Variants in LHFPL6 observed in about 807,000 individuals in gnomAD.
The protein encoded by LHFPL6 is LHFPL tetraspan subfamily member 6.
Under a neutral mutation model 20.6 loss-of-function variants are expected in LHFPL6, and 9 were observed. The observed-to-expected ratio is 0.44, with a 90% CI of 0.26 to 0.76. The LOEUF (loss-of-function observed/expected upper bound fraction) is 0.76, where lower values mean the gene tolerates loss of function less well. Ranked by LOEUF, LHFPL6 falls within the 30% of genes least tolerant of loss-of-function variation. The pLI is 0.20. For synonymous variants in LHFPL6, 105 were observed against 98.7 expected (o/e 1.06, Z -0.38); for missense variants, 218 against 253.5 (o/e 0.86, Z 0.95).
intron 2 of LHFPL6, among the ~76,000 whole-genome samples, chr13:39,420,233 C>T (rs1386115739): frequency 6.6e-6 from 1 of 152,180 alleles, no homozygotes; most frequent in Non-Finnish European, 1.5e-5. Flanking sequence ...GTCTGGGTTA[C>T]TATATAATCC....
intron 2 of LHFPL6, among the ~76,000 whole-genome samples, chr13:39,520,896 C>G (rs1182039755): frequency 6.6e-6 from 1 of 152,034 alleles, no homozygotes; most frequent in Non-Finnish European, 1.5e-5. Flanking sequence ...TTCCAGTGCC[C>G]AAGGTGATTT....
chr13:39,515,685 T>C (rs1004798516), intron 2 of LHFPL6, among the ~76,000 whole-genome samples: 1 of 152,222 alleles, frequency 6.6e-6, no homozygotes, highest in Non-Finnish European at 1.5e-5. Context: ...GGTGATTAAC[T>C]GGCTCGCTGA....
rs1566091524 is a variant in LHFPL6 at position 39,352,849 on chromosome 13, AAATG to A, written c.485-8799_485-8796del. Among the ~76,000 whole-genome samples, 216 of 95,266 alleles carry A rather than the reference AAATG, an allele frequency of 2.3e-3. 4 individuals carry two copies. The highest frequency in any genetic ancestry group is 7.1e-3 in the African/African-American group (167 of 23,646). The allele number at this position is 95,266 out of a possible 152,430, so 62.5% of individuals were successfully genotyped here. A position where few individuals can be genotyped will look rare whatever the true frequency, so the allele number is the denominator to read the frequency against. On this transcript the variant is annotated intron_variant, in intron 3 of 3. Coordinates refer to ENST00000379589, the MANE Select transcript of LHFPL6 (RefSeq NM_005780.3). ...TATATATATATGTGTATATATATATAAATGTATATATATGTGTATATATATATAT... is the reference window on the plus strand; with the variant it reads ...TATATATATATGTGTATATATATATATATATATATGTGTATATATATATAT...
At chr13:39,372,366 T>C (rs942938288) in intron 3 of LHFPL6, among the ~76,000 whole-genome samples, 2 of 119,500 alleles carry the variant, frequency 1.7e-5, no homozygotes, top group African/African-American at 6.4e-5. Context: ...TACTTTTCTA[T>C]ACAACTAAGG....
At chr13:39,388,969 C>A (rs372178066) in intron 2 of LHFPL6, among the ~76,000 whole-genome samples, 16 of 152,278 alleles carry the variant, frequency 1.1e-4, no homozygotes, top group African/African-American at 3.9e-4. Flanking sequence ...ATTGTGCGAT[C>A]CTCTCAGGGA....
chr13:39,344,166 ATCC>A (rs1471347677), intron 3 of LHFPL6, 112 bp from the exon 4 acceptor site: 3 of 726,296 alleles, frequency 4.1e-6, no homozygotes, highest in African/African-American at 1.8e-5. Context: ...GGAATATGGT[ATCC>A]TCGCTTAAAT....
chr13:39,595,364 C>T (rs993737203), intron 2 of LHFPL6, among the ~76,000 whole-genome samples: 5 of 152,154 alleles, frequency 3.3e-5, no homozygotes, highest in Admixed American at 6.5e-5. Context: ...ACAATCTCGG[C>T]TCACTGCAAT....
chr13:39,584,525 CAAAA>C (rs35746128), intron 2 of LHFPL6, among the ~76,000 whole-genome samples: 1 of 58,838 alleles, frequency 1.7e-5, no homozygotes. Flanking sequence ...AACTCTGTCT[CAAAA>C]AAAAAAAAAA....
At chr13:39,580,730 C>A (rs896773782) in intron 2 of LHFPL6, among the ~76,000 whole-genome samples, 2 of 152,110 alleles carry the variant, frequency 1.3e-5, no homozygotes, top group African/African-American at 4.8e-5. Flanking sequence ...TGTTTTTAAA[C>A]TTCACAAAAA....
intron 2 of LHFPL6, among the ~76,000 whole-genome samples, chr13:39,514,652 A>T (rs1438518171): frequency 6.6e-6 from 1 of 152,226 alleles, no homozygotes; most frequent in African/African-American, 2.4e-5. Context: ...GTGCCAGGGG[A>T]TGAGAGGCGG....
chr13:39,384,196 C>T (rs1311986500), intron 2 of LHFPL6, among the ~76,000 whole-genome samples: 1 of 152,160 alleles, frequency 6.6e-6, no homozygotes, highest in African/African-American at 2.4e-5. Flanking sequence ...AAAATTATCT[C>T]GAAGCACAAT....
chr13:39,596,829 G>C (rs1023651743), intron 2 of LHFPL6, among the ~76,000 whole-genome samples: 2 of 152,122 alleles, frequency 1.3e-5, no homozygotes, highest in African/African-American at 4.8e-5. Flanking sequence ...ACTTGGCAGA[G>C]AGCTTGGATA....
At chr13:39,412,994 CT>C (rs1871268551) in intron 2 of LHFPL6, among the ~76,000 whole-genome samples, 4 of 152,052 alleles carry the variant, frequency 2.6e-5, no homozygotes, top group Admixed American at 2.6e-4. Context: ...CCAGTAGGCA[CT>C]CTCTTAACAT....
intron 2 of LHFPL6, among the ~76,000 whole-genome samples, chr13:39,446,631 C>T (rs549752693): frequency 6.6e-6 from 1 of 152,134 alleles, no homozygotes; most frequent in South Asian, 2.1e-4. Context: ...CCCTATGAGG[C>T]TGATACCATC....
chr13:39,582,688 A>G (rs1872325562), intron 2 of LHFPL6, among the ~76,000 whole-genome samples: 1 of 152,198 alleles, frequency 6.6e-6, no homozygotes, highest in African/African-American at 2.4e-5. Context: ...CAGACAGACG[A>G]TGACCTTGTT....
At chr13:39,590,292 A>G (rs1872558492) in intron 2 of LHFPL6, among the ~76,000 whole-genome samples, 1 of 152,180 alleles carries the variant, frequency 6.6e-6, no homozygotes, top group South Asian at 2.1e-4. Context: ...ATTCCTCCCC[A>G]TTTTATCTGG....
intron 2 of LHFPL6, among the ~76,000 whole-genome samples, chr13:39,570,607 T>C (rs1871884184): frequency 6.6e-6 from 1 of 151,178 alleles, no homozygotes; most frequent in African/African-American, 2.4e-5. Flanking sequence ...GAATGATATA[T>C]AGAATGATAA....
intron 2 of LHFPL6, among the ~76,000 whole-genome samples, chr13:39,391,405 A>T (rs1175212981): frequency 2.6e-5 from 4 of 152,128 alleles, no homozygotes; most frequent in African/African-American, 9.7e-5. Context: ...TCTCTTGAGT[A>T]TGTTTCCTCA....
chr13:39,397,581 C>T (rs1449494876), intron 2 of LHFPL6, among the ~76,000 whole-genome samples: 1 of 152,220 alleles, frequency 6.6e-6, no homozygotes, highest in Non-Finnish European at 1.5e-5. Context: ...GGTCATATAT[C>T]CCTCTTTCCT....
Sources: allele counts gnomAD v4.1 joint callset (sites outside exome capture counted in the v4.1 genomes callset), GRCh38; gene constraint gnomAD v4.1.1; transcripts MANE v1.5; gene names NCBI Gene and HGNC (gene_info 2026-07-23, HGNC 2026-07-21).